The following PCDH15 variants were observed in gnomAD, a reference collection of about 807,000 sequenced individuals.
The protein encoded by PCDH15 is protocadherin-15.
In PCDH15, 129 loss-of-function variants were observed where a neutral mutation model predicts 178.5. The observed-to-expected ratio is 0.72, with a 90% CI of 0.63 to 0.84. PCDH15 has a LOEUF of 0.84. PCDH15 is among the 40% of genes least tolerant of loss of function. The pLI is 0.00. For missense variants in PCDH15, 2,230 were observed against 2,099.9 expected (o/e 1.06, Z -1.21); for synonymous variants, 800 against 732.0 (o/e 1.09, Z -1.50).
chr10:55,532,503 A>C (rs1474757240), intron 2 of PCDH15, among the ~76,000 whole-genome samples: 1 of 152,056 alleles, frequency 6.6e-6, no homozygotes, highest in African/African-American at 2.4e-5. Flanking sequence ...ATAAAACAAA[A>C]TAGTTTTGCT....
intron 1 of PCDH15, among the ~76,000 whole-genome samples, chr10:55,187,609 T>C (rs1839832652): frequency 6.6e-6 from 1 of 152,020 alleles, no homozygotes; most frequent in Non-Finnish European, 1.5e-5. Context: ...GTTTTGACCA[T>C]GGCCCAATCT....
At chr10:54,398,950 A>G (rs12776188) in intron 3 of PCDH15, among the ~76,000 whole-genome samples, 7,571 of 152,212 alleles carry the variant, frequency 0.05, 218 homozygotes, top group Admixed American at 0.097. Context: ...TCTAAACTAT[A>G]GAATTTTACA....
chr10:54,071,425 G>C (rs1346133492), intron 17 of PCDH15, among the ~76,000 whole-genome samples: 1 of 152,104 alleles, frequency 6.6e-6, no homozygotes, highest in Non-Finnish European at 1.5e-5. Flanking sequence ...TTTAATCCTA[G>C]AGAGGATAAG....
At chr10:55,201,502 C>T (rs1301478692) in intron 1 of PCDH15, among the ~76,000 whole-genome samples, 2 of 152,122 alleles carry the variant, frequency 1.3e-5, no homozygotes, top group Non-Finnish European at 2.9e-5. Flanking sequence ...TTTACTTCTT[C>T]CCCTAATGAC....
intron 14 of PCDH15, among the ~76,000 whole-genome samples, chr10:54,142,653 G>A (rs1249194907): frequency 6.6e-6 from 1 of 152,050 alleles, no homozygotes; most frequent in African/African-American, 2.4e-5. Flanking sequence ...AATCGTAAAA[G>A]GCTATAAGAA....
At chr10:53,958,751 CA>C (rs2087896120) in intron 23 of PCDH15, among the ~76,000 whole-genome samples, 1 of 151,954 alleles carries the variant, frequency 6.6e-6, no homozygotes, top group African/African-American at 2.4e-5. Context: ...GAGGCTGAGG[CA>C]GGTGGATCAG....
chr10:54,338,291 T>G (rs1941576231), intron 6 of PCDH15, among the ~76,000 whole-genome samples: 1 of 151,230 alleles, frequency 6.6e-6, no homozygotes, highest in South Asian at 2.1e-4. Context: ...AATCTCATGA[T>G]ATAATGTACC....
In PCDH15 at chr10:55,097,701, T is replaced by C. The variant is rs903655134; in HGVS notation, c.-80+68875A>G. 2.6e-5 allele frequency among the ~76,000 whole-genome samples: 4 copies of C among 151,842 alleles called. No homozygotes were observed. The East Asian group carries it at 7.7e-4, about 29-fold the overall frequency. ...AGAAGTCACCAGATAGATAGATAGA[T>C]AGAGAGACAGATAGATAGATAGATG... On this transcript the variant is annotated intron_variant, in intron 2 of 5. Transcript: ENST00000458638.
intron 3 of PCDH15, among the ~76,000 whole-genome samples, chr10:54,498,287 T>TA (rs2080323362): frequency 6.6e-6 from 1 of 152,116 alleles, no homozygotes; most frequent in African/African-American, 2.4e-5. Flanking sequence ...AGACCTGCCT[T>TA]ACAAAAGGTC....
chr10:55,455,064 ATGT>A (rs1477152276), intron 2 of PCDH15, among the ~76,000 whole-genome samples: 2 of 152,090 alleles, frequency 1.3e-5, no homozygotes, highest in South Asian at 2.1e-4. Flanking sequence ...CCCTCAGTTA[ATGT>A]TGTGTGTTGC....
chr10:55,032,759 C>T (rs12098486), intron 2 of PCDH15, among the ~76,000 whole-genome samples: 4,353 of 152,198 alleles, frequency 0.029, 213 homozygotes, highest in African/African-American at 0.099. Flanking sequence ...ACTCTGAAGA[C>T]ATTTCAGGGT....
intron 1 of PCDH15, among the ~76,000 whole-genome samples, chr10:54,677,143 A>G (rs997532282): frequency 6.6e-6 from 1 of 152,100 alleles, no homozygotes; most frequent in Non-Finnish European, 1.5e-5. Context: ...AGGTCAACAT[A>G]AAAGAATGGA....
intron 2 of PCDH15, among the ~76,000 whole-genome samples, chr10:55,517,546 A>G (rs960444235): frequency 6.6e-6 from 1 of 152,180 alleles, no homozygotes; most frequent in East Asian, 1.9e-4. Flanking sequence ...ATAAGCTGGT[A>G]GAAGAAATAA....
intron 1 of PCDH15, among the ~76,000 whole-genome samples, chr10:55,310,292 T>C (rs1271826034): frequency 6.6e-6 from 1 of 152,202 alleles, no homozygotes; most frequent in Non-Finnish European, 1.5e-5. Flanking sequence ...TGACACATAA[T>C]GGGTTCTTAA....
chr10:55,602,300 G>A (rs1306276529), intron 2 of PCDH15, among the ~76,000 whole-genome samples: 2 of 151,966 alleles, frequency 1.3e-5, no homozygotes, highest in Non-Finnish European at 2.9e-5. Flanking sequence ...AGGCGGCAGC[G>A]AGGCTGGGGG....
At chr10:54,436,745 G>T (rs865828572) in intron 3 of PCDH15, among the ~76,000 whole-genome samples, 102 of 152,210 alleles carry the variant, frequency 6.7e-4, no homozygotes, top group African/African-American at 1.9e-3. Flanking sequence ...AATTTATTAA[G>T]TACCTACTAA....
In PCDH15 at chr10:54,734,119, A is replaced by T. The variant is rs558177082; in HGVS notation, c.-29+66806T>A. 1.8e-4 allele frequency among the ~76,000 whole-genome samples: 27 copies of T among 151,940 alleles called. 1 individual carries two copies. In the South Asian group the frequency reaches 5.6e-3, roughly 31 times the overall value. The stretch of plus-strand genomic sequence containing the variant: ...AAATGCTCTGCCAAAAAACATATTT[A>T]AAAAGTGAAAAGACTAGTCAAAGAT... On this transcript the variant is annotated intron_variant, in intron 1 of 37. Transcript: ENST00000644397.
intron 1 of PCDH15, among the ~76,000 whole-genome samples, chr10:55,214,362 A>C (rs905413492): frequency 1.3e-5 from 2 of 151,940 alleles, no homozygotes; most frequent in African/African-American, 4.8e-5. Flanking sequence ...AAGTTTCTAC[A>C]ATCATGATAT....
At chr10:54,778,636 C>T (rs1004704297) in intron 1 of PCDH15, among the ~76,000 whole-genome samples, 2 of 151,990 alleles carry the variant, frequency 1.3e-5, no homozygotes, top group African/African-American at 4.8e-5. Flanking sequence ...ACTGCATTCT[C>T]CTTAAAATTG....
Sources: gnomAD v4.1 joint callset for allele counts (sites outside exome capture counted in the v4.1 genomes callset) on GRCh38, gnomAD v4.1.1 for gene constraint, MANE v1.5 for transcripts, NCBI Gene and HGNC (gene_info 2026-07-23, HGNC 2026-07-21) for gene names.